The following GEMIN5 variants were observed in gnomAD, a reference collection of about 807,000 sequenced individuals.
GEMIN5 encodes gem-associated protein 5.
A neutral mutation model predicts 176.9 loss-of-function variants in GEMIN5; 124 were observed. The observed-to-expected ratio is 0.70, with a 90% CI of 0.61 to 0.81. GEMIN5 has a LOEUF of 0.81. GEMIN5 is among the 40% of genes least tolerant of loss of function. GEMIN5 has a pLI of 0.00. For missense variants in GEMIN5, 1,843 were observed against 1,814.6 expected (o/e 1.02, Z -0.28); for synonymous variants, 673 against 665.2 (o/e 1.01, Z -0.18).
At chr5:154,890,251 A>T (rs935145692) in intron 26 of GEMIN5, among the ~76,000 whole-genome samples, 5 of 152,158 alleles carry the variant, frequency 3.3e-5, no homozygotes, top group Admixed American at 6.5e-5. Flanking sequence ...CTTTTTAGAG[A>T]AATGTCTATT....
At chr5:154,893,303 G>A (rs1393768779) in intron 24 of GEMIN5, among the ~76,000 whole-genome samples, 4 of 144,502 alleles carry the variant, frequency 2.8e-5, no homozygotes, top group Non-Finnish European at 4.5e-5. Flanking sequence ...GGTGGTGCAC[G>A]CCTGTAATCC....
chr5:154,907,778 T>A lies in GEMIN5; in HGVS notation c.2208A>T (p.Gln736His), dbSNP rs1344157696. 3.7e-6 allele frequency: 6 copies of A among 1,613,978 alleles called. No homozygotes were observed. The highest frequency in any genetic ancestry group is 5.1e-6 in the Non-Finnish European group (6 of 1,179,990). ...SIELEKKRLS[Q>H]PKAKPKKKKK... ...TCTTCTTTTTGGGCTTTGCCTTAGG[T>A]TGAGAGAGCCGTTTTTTCTCCAATT... is the stretch of plus-strand genomic sequence containing the variant. The change falls in exon 16 of 28, where the codon CAA (glutamine) becomes CAT (histidine). Residue 736 changes from glutamine to histidine, a missense_variant. Physicochemically the swap from Gln to His is conservative, Grantham distance 24 (BLOSUM62 0). Coordinates refer to ENST00000285873, the MANE Select transcript of GEMIN5 (RefSeq NM_015465.5).
chr5:154,919,869 G>A lies in GEMIN5; in HGVS notation c.1599+98C>T, dbSNP rs1763886436. 5.9e-6 allele frequency: 6 copies of A among 1,015,350 alleles called. No homozygotes were observed. The South Asian group carries it at 7.7e-5, about 13-fold the overall frequency. 62.9% of individuals were successfully genotyped at this position (1,015,350 alleles called of 1,614,324 possible). A position where few individuals can be genotyped will look rare whatever the true frequency, so the allele number is the denominator to read the frequency against. ...TTTAAGAAATCTGACTTAGTATGAT[G>A]ATGGTAATCTCCAATAACAGCATTT... On this transcript the variant is annotated intron_variant, in intron 11 of 27. Transcript: ENST00000285873.
chr5:154,900,585 G>A (rs978153639), intron 21 of GEMIN5, among the ~76,000 whole-genome samples: 24 of 152,160 alleles, frequency 1.6e-4, no homozygotes, highest in African/African-American at 5.6e-4. Context: ...AGGAAAACCT[G>A]AGCAAAACCT....
In GEMIN5 at chr5:154,888,322, G is replaced by T; in HGVS notation, c.4415C>A (p.Ser1472Tyr). The change falls in exon 28 of 28, where the codon TCC becomes TAC. Residue 1472 changes from serine (S) to tyrosine (Y), a missense_variant. Transcript: ENST00000285873. ...ECCLVLLLIR[S>Y]HFPGCLAQEM... ...CTGGGCCAGACAGCCAGGAAAGTGG[G>T]ACCTGATGAGAAGCAGGACGAGGCA... 1 of 1,614,166 alleles carries T rather than the reference G, an allele frequency of 6.2e-7. No individual in the cohort carries two copies. Among genetic ancestry groups the T allele is most frequent in the Non-Finnish European group, 8.5e-7 (1 of 1,180,022 alleles).
In GEMIN5 at chr5:154,925,877, C is replaced by G; in HGVS notation, c.1278G>C (p.Lys426Asn). Residue 426 changes from lysine (K) to asparagine (N), a missense_variant, in exon 8 of 28, where the codon AAG (lysine) becomes AAC (asparagine). By Grantham distance (94) the Lys-to-Asn change is moderately conservative. Transcript: ENST00000285873. Reference protein sequence around the residue: ...YDVKNFWQGVKSKVTALCWHP... With the variant: ...YDVKNFWQGVNSKVTALCWHP... Reference sequence around the variant, plus strand: ...GAATCCTTACCGCTGTAACCTTGGACTTCACGCCTTGCCAAAAATTTTTCA... The same window carrying G: ...GAATCCTTACCGCTGTAACCTTGGAGTTCACGCCTTGCCAAAAATTTTTCA... 6.2e-7 allele frequency: 1 copy of G among 1,608,796 alleles called. No individual in the cohort carries two copies.
At chr5:154,890,693 T>C (rs1046762362) in intron 26 of GEMIN5, among the ~76,000 whole-genome samples, 3 of 152,180 alleles carry the variant, frequency 2.0e-5, no homozygotes, top group African/African-American at 7.2e-5. Context: ...GAACTTGAGC[T>C]CCTGGCCTCA....
At chr5:154,900,948 G>A (rs907159896) in intron 21 of GEMIN5, among the ~76,000 whole-genome samples, 1 of 152,148 alleles carries the variant, frequency 6.6e-6, no homozygotes, top group Non-Finnish European at 1.5e-5. Context: ...AAAAGATCAA[G>A]CTGATACACA....
At chr5:154,931,087 T>C (rs1764152064) in intron 5 of GEMIN5, among the ~76,000 whole-genome samples, 1 of 152,258 alleles carries the variant, frequency 6.6e-6, no homozygotes, top group African/African-American at 2.4e-5. Flanking sequence ...GTATGTAATT[T>C]ATTCTGCATT....
intron 4 of GEMIN5, chr5:154,931,804 C>T (rs542038822): frequency 3.6e-4 from 178 of 497,988 alleles, no homozygotes; most frequent in Admixed American, 1.3e-3. Flanking sequence ...CACCTGAGGT[C>T]GGGAGTTCAA....
At chr5:154,921,042 AT>A (rs1264967208) in intron 10 of GEMIN5, among the ~76,000 whole-genome samples, 44 of 152,240 alleles carry the variant, frequency 2.9e-4, no homozygotes, top group African/African-American at 1.1e-3. Flanking sequence ...TTAGTGAAGA[AT>A]ATTAGACTGG....
chr5:154,898,717 G>T, intron 22 of GEMIN5, 67 bp from the exon 23 acceptor site: 1 of 1,265,324 alleles, frequency 7.9e-7, no homozygotes, highest in East Asian at 2.4e-5. Flanking sequence ...CCTAGAGGAT[G>T]GAATCATTTC....
rs1035721086 is a variant in GEMIN5 at position 154,891,634 on chromosome 5, C to A, written c.3869G>T (p.Trp1290Leu). 1 of 1,613,964 alleles carries A rather than the reference C, an allele frequency of 6.2e-7. No individual in the cohort carries two copies. The highest frequency in any genetic ancestry group is 1.3e-5 in the African/African-American group (1 of 74,878). The change falls in exon 26 of 28, where the codon TGG becomes TTG. Residue 1290 changes from tryptophan (W) to leucine (L), a missense_variant. By Grantham distance (61) the Trp-to-Leu change is moderately conservative (BLOSUM62 -2). Coordinates refer to ENST00000285873, the MANE Select transcript of GEMIN5 (RefSeq NM_015465.5). ...FLYGRLYEFW[W>L]SLSRPCPNSS... is the part of the protein sequence containing the mutation. Reference sequence around the variant, plus strand: ...ATTTGGGCAAGGTCTGGAGAGAGACCACCAGAATTCATACAGACGCCCATA... The same window carrying A: ...ATTTGGGCAAGGTCTGGAGAGAGACAACCAGAATTCATACAGACGCCCATA...
At chr5:154,937,609 G>C (rs1764296491) in intron 1 of GEMIN5, among the ~76,000 whole-genome samples, 2 of 152,228 alleles carry the variant, frequency 1.3e-5, no homozygotes, top group Non-Finnish European at 2.9e-5. Flanking sequence ...CACGTTGCAG[G>C]ATCTTGCTTA....
At chr5:154,913,771 C>T (rs549854793) in intron 13 of GEMIN5, among the ~76,000 whole-genome samples, 13 of 152,106 alleles carry the variant, frequency 8.5e-5, no homozygotes, top group Admixed American at 1.3e-4. Flanking sequence ...GAGCTGAGAT[C>T]GTGCCACTGT....
At position 154,912,530 on chromosome 5, in the gene GEMIN5, C is replaced by T. The variant is rs147296855; in HGVS notation, c.1995+369G>A. 3.4e-3 allele frequency among the ~76,000 whole-genome samples: 525 copies of T among 152,238 alleles called. 3 individuals are homozygous for T. Among genetic ancestry groups the T allele is most frequent in the African/African-American group, 0.012 (509 of 41,546 alleles). On this transcript the variant is annotated intron_variant, in intron 14 of 27. Transcript: ENST00000285873. ...TAGAACTTGGAGATTTCTGACTTAC[C>T]AATTTATTATTAAAAAATTGTTTTG...
At chr5:154,888,701 T>A (rs1763159241) in intron 27 of GEMIN5, among the ~76,000 whole-genome samples, 1 of 152,212 alleles carries the variant, frequency 6.6e-6, no homozygotes, top group South Asian at 2.1e-4. Context: ...CTGTAAGCTA[T>A]CTAATACATG....
intron 16 of GEMIN5, 111 bp downstream of exon 16, chr5:154,907,480 C>T (rs893924521): frequency 8.6e-6 from 5 of 580,010 alleles, no homozygotes; most frequent in East Asian, 3.4e-5. Flanking sequence ...AATGCTGTTT[C>T]CAAGAGTTGG....
chr5:154,905,829 A>T (rs1039503538), intron 16 of GEMIN5, among the ~76,000 whole-genome samples: 1 of 151,764 alleles, frequency 6.6e-6, no homozygotes, highest in Admixed American at 6.6e-5. Flanking sequence ...CCTCGCCAGT[A>T]GCTGGCACAA....
Sources: gnomAD v4.1 joint callset for allele counts (sites outside exome capture counted in the v4.1 genomes callset) on GRCh38, gnomAD v4.1.1 for gene constraint, MANE v1.5 for transcripts, NCBI Gene and HGNC (gene_info 2026-07-23, HGNC 2026-07-21) for gene names.